Variants in CDK14 observed in about 807,000 individuals in gnomAD.
CDK14 encodes cyclin-dependent kinase 14.
In CDK14, 34 loss-of-function variants were observed where a neutral mutation model predicts 60.7. The observed-to-expected ratio is 0.56, with a 90% CI of 0.43 to 0.75. The LOEUF (loss-of-function observed/expected upper bound fraction) is 0.75, where lower values mean the gene tolerates loss of function less well. Ranked by LOEUF, CDK14 falls within the 30% of genes least tolerant of loss-of-function variation. The pLI is 0.00. For missense variants in CDK14, 482 were observed against 564.1 expected (o/e 0.85, Z 1.47); for synonymous variants, 197 against 203.7 (o/e 0.97, Z 0.28).
intron 8 of CDK14, among the ~76,000 whole-genome samples, chr7:90,951,297 T>C (rs1584159169): frequency 6.6e-6 from 1 of 152,090 alleles, no homozygotes; most frequent in Non-Finnish European, 1.5e-5. Flanking sequence ...GTAAGGTGTG[T>C]TGAGAGAGAG....
chr7:91,192,942 C>T (rs557018056), intron 14 of CDK14, among the ~76,000 whole-genome samples: 1 of 152,200 alleles, frequency 6.6e-6, no homozygotes, highest in South Asian at 2.1e-4. Context: ...CCGGGTTTCT[C>T]CTCTCTTGAA....
At chr7:90,774,718 A>G (rs182102917) in intron 4 of CDK14, among the ~76,000 whole-genome samples, 13 of 152,316 alleles carry the variant, frequency 8.5e-5, no homozygotes, top group Admixed American at 8.5e-4. Context: ...AACCAGAAAA[A>G]GAAAATACTC....
rs189120328 is a variant in CDK14, at chr7:90,798,389, C to T, written c.544+7737C>T. Among the ~76,000 whole-genome samples the T allele has an allele frequency of 1.5e-3, 232 of 152,166 alleles. 1 individual carries two copies. Among genetic ancestry groups the T allele is most frequent in the Middle Eastern group, 3.4e-3 (1 of 294 alleles). Reference sequence around the variant, plus strand: ...ACTTCTGGAAGTCCAGACACAATAACTCCTCTGTGTATCTAATGGTAGAAT... The same window carrying T: ...ACTTCTGGAAGTCCAGACACAATAATTCCTCTGTGTATCTAATGGTAGAAT... On this transcript the variant is annotated intron_variant, in intron 5 of 14. Coordinates refer to ENST00000380050, the MANE Select transcript of CDK14 (RefSeq NM_001287135.2).
chr7:90,692,745 T>A (rs1801577397), intron 2 of CDK14: 14 of 744,374 alleles, frequency 1.9e-5, no homozygotes, highest in Non-Finnish European at 2.1e-5. Context: ...TTAAAGTAAA[T>A]GACACATATT....
chr7:90,990,796 C>A (rs802407), intron 10 of CDK14, among the ~76,000 whole-genome samples: 150,034 of 152,300 alleles, frequency 0.99, 73,941 homozygotes, highest in East Asian at 1. Flanking sequence ...AGAGAAACTC[C>A]AACATTTCTG....
chr7:91,131,968 C>T (rs566116258), intron 14 of CDK14, among the ~76,000 whole-genome samples: 4 of 151,526 alleles, frequency 2.6e-5, no homozygotes, highest in African/African-American at 4.8e-5. Flanking sequence ...ACTCACCATA[C>T]ACCAATCTCT....
intron 4 of CDK14, among the ~76,000 whole-genome samples, chr7:90,765,023 G>C (rs1163881994): frequency 6.6e-6 from 1 of 152,208 alleles, no homozygotes; most frequent in African/African-American, 2.4e-5. Context: ...CAGCTTAGCA[G>C]TCAGCATAGG....
intron 2 of CDK14, among the ~76,000 whole-genome samples, chr7:90,639,709 C>T (rs1044782931): frequency 6.8e-6 from 1 of 147,944 alleles, no homozygotes; most frequent in Non-Finnish European, 1.5e-5. Context: ...TTGTCTGTGC[C>T]CTGCCCCCAG....
intron 4 of CDK14, among the ~76,000 whole-genome samples, chr7:90,765,724 C>T (rs1390650680): frequency 6.6e-6 from 1 of 151,112 alleles, no homozygotes; most frequent in Non-Finnish European, 1.5e-5. Context: ...CTCTTTTTAG[C>T]AGTGAGGCAG....
chr7:90,812,360 C>T (rs981827268), intron 5 of CDK14, among the ~76,000 whole-genome samples: 5 of 152,012 alleles, frequency 3.3e-5, no homozygotes, highest in African/African-American at 7.3e-5. Context: ...AGCAAACTAT[C>T]GCAAGGACAA....
intron 11 of CDK14, among the ~76,000 whole-genome samples, chr7:91,076,241 CCAAAA>C (rs1798309134): frequency 3.6e-5 from 1 of 27,728 alleles, no homozygotes; most frequent in African/African-American, 1.1e-4. Flanking sequence ...GCTACAGTAA[CCAAAA>C]AAAAAAAAAA....
intron 8 of CDK14, among the ~76,000 whole-genome samples, chr7:90,918,968 T>C (rs1385798786): frequency 1.3e-5 from 2 of 152,168 alleles, no homozygotes; most frequent in Non-Finnish European, 2.9e-5. Context: ...CTGTGCACAT[T>C]AGTTTGTGTG....
chr7:90,606,831 C>T (rs942651259), intron 2 of CDK14, among the ~76,000 whole-genome samples: 2 of 152,164 alleles, frequency 1.3e-5, no homozygotes, highest in African/African-American at 4.8e-5. Flanking sequence ...AATGTGGATT[C>T]TCATCTGCCA....
At chr7:90,766,231 C>T (rs1804554387) in intron 4 of CDK14, among the ~76,000 whole-genome samples, 1 of 151,814 alleles carries the variant, frequency 6.6e-6, no homozygotes, top group African/African-American at 2.4e-5. Flanking sequence ...GATACCACTT[C>T]TCTCTTTGTA....
At chr7:90,608,610 A>G (rs752818575) in intron 2 of CDK14, 575 of 878,224 alleles carry the variant, frequency 6.5e-4, no homozygotes, top group South Asian at 8.3e-4. Context: ...ATTAGAATAA[A>G]CCTTTGAAAT....
chr7:91,125,841 C>T (rs1799927518), intron 14 of CDK14, among the ~76,000 whole-genome samples: 2 of 152,050 alleles, frequency 1.3e-5, no homozygotes, highest in African/African-American at 4.8e-5. Context: ...GTTTGCATTA[C>T]GTATAGTGCC....
chr7:90,670,773 C>A (rs962856154), intron 2 of CDK14, among the ~76,000 whole-genome samples: 1 of 152,122 alleles, frequency 6.6e-6, no homozygotes, highest in African/African-American at 2.4e-5. Context: ...CTCCCACAGG[C>A]CCAGCCCCCA....
chr7:90,639,265 A>G (rs1206630567), intron 2 of CDK14, among the ~76,000 whole-genome samples: 1 of 151,498 alleles, frequency 6.6e-6, no homozygotes, highest in Non-Finnish European at 1.5e-5. Flanking sequence ...GGTTTTATCT[A>G]CTTTTGGTCT....
intron 5 of CDK14, among the ~76,000 whole-genome samples, chr7:90,833,444 T>G (rs1287797512): frequency 6.6e-6 from 1 of 152,222 alleles, no homozygotes; most frequent in Non-Finnish European, 1.5e-5. Flanking sequence ...TTTTCCTGTT[T>G]GCAACCACTC....
Sources: allele counts gnomAD v4.1 joint callset (sites outside exome capture counted in the v4.1 genomes callset), GRCh38; gene constraint gnomAD v4.1.1; transcripts MANE v1.5; gene names NCBI Gene and HGNC (gene_info 2026-07-23, HGNC 2026-07-21).